PRAG1: variants seen among roughly 807,000 people sequenced by gnomAD.
PRAG1 encodes PEAK1 related, kinase-activating pseudokinase 1, also known as inactive tyrosine-protein kinase PRAG1.
In PRAG1, 110 loss-of-function variants were observed where a neutral mutation model predicts 95.6. The ratio of observed to expected loss-of-function variants is 1.15; its 90% CI spans 0.99 to 1.35. The LOEUF (loss-of-function observed/expected upper bound fraction) is 1.35, where lower values mean the gene tolerates loss of function less well. Ranked by LOEUF, PRAG1 falls within the 40% of genes most tolerant of loss-of-function variation. PRAG1 has a pLI of 0.00. For synonymous variants in PRAG1, 1,052 were observed against 819.4 expected, an observed-to-expected ratio of 1.28 and a Z score of -4.85; for missense variants, 2,554 against 1,864.7, an observed-to-expected ratio of 1.37 and a Z score of -6.81.
intron 3 of PRAG1, among the ~76,000 whole-genome samples, chr8:8,351,525 C>G (rs1426197308): frequency 6.6e-6 from 1 of 152,152 alleles, no homozygotes; most frequent in East Asian, 1.9e-4. Flanking sequence ...TTTAAAAGAT[C>G]TGCAAGGAAA....
rs770050433 is a variant in PRAG1, at chr8:8,377,664, C to T, written c.745G>A (p.Glu249Lys). The T allele has an allele frequency of 1.9e-5, 31 of 1,613,712 alleles. No individual in the cohort carries two copies. Among genetic ancestry groups the T allele is most frequent in the Middle Eastern group, 3.3e-4 (2 of 6,084 alleles). Reference sequence around the variant, plus strand: ...AGGATGGAGCAGTACTCTCCACCCTCGCTGTCCCCGGAGGGCGAGCACCTT... The same window carrying T: ...AGGATGGAGCAGTACTCTCCACCCTTGCTGTCCCCGGAGGGCGAGCACCTT... ...DQRCSPSGDS[E>K]GGEYCSILDC... Residue 249 changes from glutamate to lysine, a missense_variant, in exon 3 of 6, where the codon GAG (glutamate) becomes AAG (lysine). Transcript: ENST00000615670.
intron 3 of PRAG1, among the ~76,000 whole-genome samples, chr8:8,360,449 G>A (rs146251346): frequency 2.1e-3 from 325 of 152,224 alleles, no homozygotes; most frequent in African/African-American, 7.3e-3. Flanking sequence ...AAATCCTACA[G>A]GTGTGGGTCT....
rs367851601 is a variant in PRAG1, at chr8:8,377,942, G to A, written c.467C>T (p.Pro156Leu). The A allele has an allele frequency of 1.9e-6, 3 of 1,613,878 alleles. No homozygotes were observed. The highest frequency in any genetic ancestry group is 1.3e-5 in the African/African-American group (1 of 74,914). ...CAGGCCGACCATGGTGTAAGCTGGG[G>A]GACAGCGAGAATTGCCATCAGGGGA... ...STSPDGNSRCPPAYTMVGLHN... is the reference protein window; with the variant it reads ...STSPDGNSRCLPAYTMVGLHN... Residue 156 changes from proline (P) to leucine (L), a missense_variant, in exon 3 of 6, where the codon CCC (proline) becomes CTC (leucine). Transcript: ENST00000615670.
chr8:8,359,471 T>G (rs1437036449), intron 3 of PRAG1, among the ~76,000 whole-genome samples: 1 of 152,184 alleles, frequency 6.6e-6, no homozygotes, highest in Non-Finnish European at 1.5e-5. Flanking sequence ...AGAAATAGCA[T>G]TAGGTACAAC....
chr8:8,349,356 C>T lies in PRAG1; in HGVS notation c.2163-9721G>A, dbSNP rs960428605. On this transcript the variant is annotated intron_variant, in intron 3 of 5. Coordinates refer to ENST00000615670, the MANE Select transcript of PRAG1 (RefSeq NM_001080826.3). ...AGTGCAGTGGCATCATCTCGCCTCA[C>T]TGCAAGATCTGCCTCCCGGGTTCAC... 7.2e-5 allele frequency among the ~76,000 whole-genome samples: 11 copies of T among 152,224 alleles called. No homozygotes were observed. The East Asian group carries it at 1.4e-3, about 19-fold the overall frequency.
Position 8,339,523 on chromosome 8 carries a change from A to C in PRAG1, c.2275T>G (p.Ser759Ala). The C allele has an allele frequency of 6.2e-7, 1 of 1,614,160 alleles. No homozygotes were observed. Residue 759 changes from serine to alanine, a missense_variant, in exon 4 of 6, where the codon TCC (serine) becomes GCC (alanine). Ser to Ala is a moderately conservative substitution (Grantham distance 99). Transcript: ENST00000615670. ...RGVHVSFTTG[S>A]TDSLASDSRT... The stretch of plus-strand genomic sequence containing the variant: ...GAGTCTGAGGCCAGGCTGTCCGTGG[A>C]GCCGGTGGTGAAGCTGACGTGGACA...
At chr8:8,325,547 G>A (rs1279172584) in intron 5 of PRAG1, among the ~76,000 whole-genome samples, 4 of 152,080 alleles carry the variant, frequency 2.6e-5, no homozygotes, top group Non-Finnish European at 4.4e-5. Flanking sequence ...TAGAGAATAC[G>A]GCTAATTCTG....
chr8:8,321,870 C>T (rs1798481084), intron 5 of PRAG1, among the ~76,000 whole-genome samples: 1 of 152,146 alleles, frequency 6.6e-6, no homozygotes, highest in South Asian at 2.1e-4. Flanking sequence ...AATAGTGAAC[C>T]GTTTTTCCTA....
intron 3 of PRAG1, among the ~76,000 whole-genome samples, chr8:8,372,347 A>G (rs762043056): frequency 4.6e-5 from 7 of 152,200 alleles, no homozygotes; most frequent in Non-Finnish European, 1.0e-4. Flanking sequence ...TAAGCATGAC[A>G]TTTAAACTAT....
chr8:8,379,481 G>A lies in PRAG1; in HGVS notation c.331-1403C>T, dbSNP rs1043198226. Among the ~76,000 whole-genome samples the A allele has an allele frequency of 5.3e-5, 8 of 152,164 alleles. No homozygotes were observed. The South Asian group carries it at 6.2e-4, about 12-fold the overall frequency. On this transcript the variant is annotated intron_variant, in intron 2 of 5. Coordinates refer to ENST00000615670, the MANE Select transcript of PRAG1 (RefSeq NM_001080826.3). Reference sequence around the variant, plus strand: ...GTGAAGGTTGAAGGTATTGAGAATGGCCTGGAGAATGGGTGTAAGCAGCTT... The same window carrying A: ...GTGAAGGTTGAAGGTATTGAGAATGACCTGGAGAATGGGTGTAAGCAGCTT...
At chr8:8,358,471 A>G (rs1449819677) in intron 3 of PRAG1, among the ~76,000 whole-genome samples, 1 of 152,162 alleles carries the variant, frequency 6.6e-6, no homozygotes, top group Non-Finnish European at 1.5e-5. Context: ...AGTGGGACTG[A>G]AAGTCTCAAC....
intron 3 of PRAG1, among the ~76,000 whole-genome samples, chr8:8,358,603 T>C (rs1421155581): frequency 2.0e-5 from 3 of 152,254 alleles, no homozygotes; most frequent in Admixed American, 6.5e-5. Flanking sequence ...TGGAAAGGAA[T>C]GCTTATTCCT....
intron 3 of PRAG1, among the ~76,000 whole-genome samples, chr8:8,345,883 T>G (rs1330124620): frequency 6.6e-6 from 1 of 152,234 alleles, no homozygotes; most frequent in East Asian, 1.9e-4. Context: ...CTGTGCAATC[T>G]GTACTTTTTG....
At chr8:8,333,935 G>T (rs538678357) in intron 4 of PRAG1, among the ~76,000 whole-genome samples, 1 of 152,188 alleles carries the variant, frequency 6.6e-6, no homozygotes, top group South Asian at 2.1e-4. Context: ...CCATCTGCAC[G>T]GGCACCTTGC....
At chr8:8,349,253 T>C (rs1799441078) in intron 3 of PRAG1, among the ~76,000 whole-genome samples, 1 of 148,652 alleles carries the variant, frequency 6.7e-6, no homozygotes, top group South Asian at 2.1e-4. Flanking sequence ...GTTTCTATTA[T>C]TTATCTATCT....
chr8:8,327,838 G>T lies in PRAG1; in HGVS notation c.2944C>A (p.Leu982Ile). The change falls in exon 5 of 6, where the codon CTC becomes ATC. Residue 982 changes from leucine (L) to isoleucine (I), a missense_variant. By Grantham distance (5) the Leu-to-Ile change is conservative. Transcript: ENST00000615670. The part of the protein sequence containing the change: ...DLFMGGQKKE[L>I]HFNENNWSLF... ...GACCAGTTATTCTCATTGAAGTGGA[G>T]CTCCTTTTTCTGGCCGCCCATGAAG... The T allele has an allele frequency of 6.2e-7, 1 of 1,614,236 alleles. No individual in the cohort carries two copies. The highest frequency in any genetic ancestry group is 8.5e-7 in the Non-Finnish European group (1 of 1,180,038).
At chr8:8,375,207 T>A (rs1800343002) in intron 3 of PRAG1, among the ~76,000 whole-genome samples, 1 of 110,086 alleles carries the variant, frequency 9.1e-6, no homozygotes, top group Non-Finnish European at 1.7e-5. Flanking sequence ...TTTCTTTGTT[T>A]TTTTTTTTGT....
chr8:8,348,024 C>G (rs776515330), intron 3 of PRAG1, among the ~76,000 whole-genome samples: 3 of 152,174 alleles, frequency 2.0e-5, no homozygotes, highest in Admixed American at 6.5e-5. Context: ...TCAAGAGATT[C>G]TCATGCTTCA....
intron 3 of PRAG1, among the ~76,000 whole-genome samples, chr8:8,366,687 C>CTTT (rs145953960): frequency 1.3e-5 from 2 of 150,714 alleles, no homozygotes; most frequent in Non-Finnish European, 3.0e-5. Context: ...TTATTTTTAT[C>CTTT]TTTTTTTTTG....
Sources: gnomAD v4.1 joint callset for allele counts (sites outside exome capture counted in the v4.1 genomes callset) on GRCh38, gnomAD v4.1.1 for gene constraint, MANE v1.5 for transcripts, NCBI Gene and HGNC (gene_info 2026-07-23, HGNC 2026-07-21) for gene names.